The following SMAD3 variants were observed in gnomAD, a reference collection of about 807,000 sequenced individuals.
SMAD3 encodes MAD homolog 3.
In SMAD3, 12 loss-of-function variants were observed where a neutral mutation model predicts 51.8. That is an observed-to-expected ratio of 0.23 (90% CI 0.15 to 0.38). The LOEUF (loss-of-function observed/expected upper bound fraction) is 0.38, where lower values mean the gene tolerates loss of function less well. SMAD3 is among the 10% of genes least tolerant of loss of function. The pLI, the probability that SMAD3 is intolerant of heterozygous loss-of-function variation, is 1.00. For synonymous variants in SMAD3, 238 were observed against 227.7 expected, an observed-to-expected ratio of 1.05 and a Z score of -0.41; for missense variants, 294 against 565.6, an observed-to-expected ratio of 0.52 and a Z score of 4.87.
At chr15:67,090,159 T>G (rs1445422808) in intron 1 of SMAD3, among the ~76,000 whole-genome samples, 2 of 152,154 alleles carry the variant, frequency 1.3e-5, no homozygotes, top group Non-Finnish European at 2.9e-5. Flanking sequence ...TTCACCTTAC[T>G]CAGGGTCAGG....
chr15:67,190,417 C>G lies in SMAD3; in HGVS notation c.1159C>G (p.Gln387Glu). ...VKGWGAEYRRQTVTSTPCWIE... is the reference protein window; with the variant it reads ...VKGWGAEYRRETVTSTPCWIE... ...CCCTTTCCCTATTTCTTACAGGAGACAGACTGTGACCAGTACCCCCTGCTG... is the reference window on the plus strand; with the variant it reads ...CCCTTTCCCTATTTCTTACAGGAGAGAGACTGTGACCAGTACCCCCTGCTG... Residue 387 changes from glutamine to glutamate, a missense_variant, in exon 9 of 9, where the codon CAG (glutamine) becomes GAG (glutamate). Coordinates refer to ENST00000327367, the MANE Select transcript of SMAD3 (RefSeq NM_005902.4). 1 of 1,613,900 alleles carries G rather than the reference C, an allele frequency of 6.2e-7. No individual in the cohort carries two copies. Among genetic ancestry groups the G allele is most frequent in the Non-Finnish European group, 8.5e-7 (1 of 1,179,880 alleles).
chr15:67,161,765 T>C (rs919787544), intron 1 of SMAD3, among the ~76,000 whole-genome samples: 4 of 152,176 alleles, frequency 2.6e-5, no homozygotes, highest in Non-Finnish European at 5.9e-5. Flanking sequence ...TGAAGCACTT[T>C]CAAATGGAAA....
intron 1 of SMAD3, among the ~76,000 whole-genome samples, chr15:67,093,564 T>C (rs1420030241): frequency 6.6e-6 from 1 of 152,192 alleles, no homozygotes. Flanking sequence ...GCGGGGAGTC[T>C]AGCAAGAAGT....
At position 67,176,407 on chromosome 15, in the gene SMAD3, G is replaced by A. The variant is rs560690139; in HGVS notation, c.659-4834G>A. On this transcript the variant is annotated intron_variant, in intron 5 of 8. Transcript: ENST00000327367. Reference sequence around the variant, plus strand: ...CTAGATTGAGGAAGAGCTGCCTTCCGCAGGTGAGGTGGGCCCAGCAGAAAC... The same window carrying A: ...CTAGATTGAGGAAGAGCTGCCTTCCACAGGTGAGGTGGGCCCAGCAGAAAC... Among the ~76,000 whole-genome samples, 22 of 152,330 alleles carry A rather than the reference G, an allele frequency of 1.4e-4. No homozygotes were observed. The South Asian group carries it at 4.1e-3, about 29-fold the overall frequency.
At chr15:67,166,280 T>C (rs948622626) in intron 3 of SMAD3, 2 of 558,292 alleles carry the variant, frequency 3.6e-6, no homozygotes, top group Non-Finnish European at 4.7e-6. Flanking sequence ...TAGATCACAC[T>C]GTCTTTGCCG....
chr15:67,157,337 A>G (rs1962309839), intron 1 of SMAD3, among the ~76,000 whole-genome samples: 1 of 152,242 alleles, frequency 6.6e-6, no homozygotes, highest in South Asian at 2.1e-4. Context: ...CACTTTTAAT[A>G]ATGGTGATGC....
chr15:67,178,670 T>G (rs1962970205), intron 5 of SMAD3, among the ~76,000 whole-genome samples: 1 of 17,128 alleles, frequency 5.8e-5, no homozygotes, highest in Admixed American at 1.1e-3. Flanking sequence ...GGGTTGCACT[T>G]GGATTTTTTT....
chr15:67,074,101 A>G (rs1182692561), intron 1 of SMAD3, among the ~76,000 whole-genome samples: 1 of 152,262 alleles, frequency 6.6e-6, no homozygotes, highest in East Asian at 1.9e-4. Context: ...AAGTAAAAAT[A>G]ATAAAATTGT....
At chr15:67,113,927 C>A (rs1961079363) in intron 1 of SMAD3, among the ~76,000 whole-genome samples, 1 of 152,176 alleles carries the variant, frequency 6.6e-6, no homozygotes, top group South Asian at 2.1e-4. Flanking sequence ...AATTCTTTTT[C>A]AAATTGGGAA....
At position 67,113,092 on chromosome 15, in the gene SMAD3, ATATT is replaced by A. The variant is rs1274259011; in HGVS notation, c.206+46734_206+46737del. Among the ~76,000 whole-genome samples the A allele has an allele frequency of 1.4e-4, 14 of 103,344 alleles. 3 individuals carry two copies. In the South Asian group the frequency reaches 2.5e-3, roughly 19 times the overall value. The allele number at this position is 103,344 out of a possible 152,430, so 67.8% of individuals were successfully genotyped here. ...TATATATGTGTATATATATATATATATATTTTTTTGAGACAGAGTCTTGCTCTGT... is the reference window on the plus strand; with the variant it reads ...TATATATGTGTATATATATATATATATTTTTGAGACAGAGTCTTGCTCTGT... On this transcript the variant is annotated intron_variant, in intron 1 of 8. Coordinates refer to ENST00000327367, the MANE Select transcript of SMAD3 (RefSeq NM_005902.4).
At chr15:67,183,246 G>A (rs139218253) in intron 6 of SMAD3, among the ~76,000 whole-genome samples, 1,551 of 151,428 alleles carry the variant, frequency 0.01, 20 homozygotes, top group African/African-American at 0.036. Context: ...GATTCACCAC[G>A]TTGGCCAGGC....
Position 67,165,445 on chromosome 15 carries a change from C to T in SMAD3, c.532+61C>T. 1.9e-6 allele frequency: 3 copies of T among 1,594,450 alleles called. No individual in the cohort carries two copies. In the East Asian group the frequency reaches 6.7e-5, roughly 36 times the overall value. Reference sequence around the variant, plus strand: ...CAGGGGCAGCGGTCAGCCCCGACATCAGTCCTGTGGCCCCAATCTCTGCCC... The same window carrying T: ...CAGGGGCAGCGGTCAGCCCCGACATTAGTCCTGTGGCCCCAATCTCTGCCC... On this transcript the variant is annotated intron_variant, in intron 3 of 8. Transcript: ENST00000327367.
At position 67,112,667 on chromosome 15, in the gene SMAD3, T is replaced by C. The variant is rs1456317853; in HGVS notation, c.206+46307T>C. Among the ~76,000 whole-genome samples the C allele has an allele frequency of 1.5e-5, 2 of 134,334 alleles. 1 individual carries two copies. The highest frequency in any genetic ancestry group is 5.9e-5 in the African/African-American group (2 of 33,998). 88.1% of individuals were successfully genotyped at this position (134,334 alleles called of 152,430 possible). A position where few individuals can be genotyped will look rare whatever the true frequency, so the allele number is the denominator to read the frequency against. ...AATTCTGATGAAGCTAAATTTGTTT[T>C]ACTTTCGTCACTTTTGCTTTTTGTG... is the stretch of plus-strand genomic sequence containing the variant. On this transcript the variant is annotated intron_variant, in intron 1 of 8. Transcript: ENST00000327367.
intron 1 of SMAD3, among the ~76,000 whole-genome samples, chr15:67,154,809 CTTT>C (rs1379340215): frequency 6.6e-6 from 1 of 152,118 alleles, no homozygotes; most frequent in Non-Finnish European, 1.5e-5. Context: ...TGCTCAGTCC[CTTT>C]TTTTAAAAAA....
chr15:67,153,879 A>G (rs1962214231), intron 1 of SMAD3, among the ~76,000 whole-genome samples: 1 of 152,246 alleles, frequency 6.6e-6, no homozygotes, highest in Non-Finnish European at 1.5e-5. Context: ...AACTTTCTCC[A>G]GTAACCAACC....
At chr15:67,132,441 C>T (rs907659178) in intron 1 of SMAD3, among the ~76,000 whole-genome samples, 2 of 152,152 alleles carry the variant, frequency 1.3e-5, no homozygotes, top group Non-Finnish European at 2.9e-5. Context: ...GAATGTGCAG[C>T]TTGTGCTTCT....
chr15:67,121,735 C>T (rs1053408549), intron 1 of SMAD3, among the ~76,000 whole-genome samples: 2 of 151,816 alleles, frequency 1.3e-5, no homozygotes, highest in African/African-American at 4.8e-5. Context: ...ATGTGCTTGT[C>T]AGCTTCTAGT....
intron 1 of SMAD3, among the ~76,000 whole-genome samples, chr15:67,103,228 A>ATAGTCAAGG (rs1336226072): frequency 1.3e-5 from 2 of 152,286 alleles, no homozygotes; most frequent in Admixed American, 1.3e-4. Context: ...TGGAAGAGTT[A>ATAGTCAAGG]TAGTCAAGGT....
At chr15:67,146,970 C>T (rs1482333201) in intron 1 of SMAD3, 2 of 152,138 alleles carry the variant, frequency 1.3e-5, no homozygotes, top group African/African-American at 2.4e-5. Context: ...AAGAGAGCAG[C>T]CTCCAAAGAT....
Sources: gnomAD v4.1 joint callset for allele counts (sites outside exome capture counted in the v4.1 genomes callset) on GRCh38, gnomAD v4.1.1 for gene constraint, MANE v1.5 for transcripts, NCBI Gene and HGNC (gene_info 2026-07-23, HGNC 2026-07-21) for gene names.